DCHS2: variants seen among roughly 807,000 people sequenced by gnomAD.
DCHS2 encodes dachsous cadherin-related 2, also known as protocadherin-23.
DCHS2 carries 142 observed loss-of-function variants against 182.4 expected under a neutral mutation model. The ratio of observed to expected loss-of-function variants is 0.78; its 90% CI spans 0.68 to 0.89. The LOEUF is 0.89. Among genes scored for constraint, DCHS2 ranks in the 40% least tolerant of loss-of-function variants. The pLI, the probability that DCHS2 is intolerant of heterozygous loss-of-function variation, is 0.00. For synonymous variants in DCHS2, 1,740 were observed against 1,663.3 expected, an observed-to-expected ratio of 1.05 and a Z score of -1.12; for missense variants, 4,319 against 4,198.6, an observed-to-expected ratio of 1.03 and a Z score of -0.79.
rs7692434 is a variant in DCHS2, at chr4:154,361,227, C to T, written c.2476+4983G>A. On this transcript the variant is annotated intron_variant, in intron 3 of 19. Coordinates refer to ENST00000357232, the MANE Select transcript of DCHS2 (RefSeq NM_001358235.2). ...ACCAGCACAAAAGCTTGAAACCTGC[C>T]TGTTGCCTTAAAATGATCTGAATTC... Among the ~76,000 whole-genome samples the T allele has an allele frequency of 6.8e-3, 1,037 of 152,208 alleles. 12 individuals are homozygous for T. Among genetic ancestry groups the T allele is most frequent in the African/African-American group, 0.022 (920 of 41,546 alleles).
intron 16 of DCHS2, among the ~76,000 whole-genome samples, chr4:154,253,484 T>A (rs1170500839): frequency 6.6e-6 from 1 of 152,204 alleles, no homozygotes; most frequent in Non-Finnish European, 1.5e-5. Context: ...TCTTAGAACA[T>A]GGCAGACCTT....
chr4:154,359,677 C>T (rs1295857332), intron 3 of DCHS2, among the ~76,000 whole-genome samples: 2 of 152,022 alleles, frequency 1.3e-5, no homozygotes, highest in African/African-American at 4.8e-5. Flanking sequence ...ATAGATTACA[C>T]TGTGCTATTT....
At chr4:154,437,472 C>A (rs1429269015) in intron 1 of DCHS2, among the ~76,000 whole-genome samples, 1 of 152,136 alleles carries the variant, frequency 6.6e-6, no homozygotes, top group Non-Finnish European at 1.5e-5. Flanking sequence ...CTAGATTACT[C>A]CAAAATCAGG....
At chr4:154,473,765 T>C (rs1261200639) in intron 1 of DCHS2, among the ~76,000 whole-genome samples, 1 of 152,132 alleles carries the variant, frequency 6.6e-6, no homozygotes, top group African/African-American at 2.4e-5. Flanking sequence ...ACTGATCTTC[T>C]TGTAAGTTTC....
rs1358839919 is a variant in DCHS2, at chr4:154,455,350, A to G, written c.2052+33954T>C. ...AATCATCTGACTTCATGAATTGTCA[A>G]GGGAAATATCATAGGAAGGAAGAGA... On this transcript the variant is annotated intron_variant, in intron 1 of 19. Coordinates refer to ENST00000357232, the MANE Select transcript of DCHS2 (RefSeq NM_001358235.2). Among the ~76,000 whole-genome samples the G allele has an allele frequency of 3.3e-5, 5 of 152,246 alleles. No homozygotes were observed. The East Asian group carries it at 9.6e-4, about 29-fold the overall frequency.
At chr4:154,381,397 T>C (rs1411589962) in intron 1 of DCHS2, among the ~76,000 whole-genome samples, 1 of 152,078 alleles carries the variant, frequency 6.6e-6, no homozygotes, top group Non-Finnish European at 1.5e-5. Context: ...ATATACACTT[T>C]CGCCACTCCT....
rs955274674 is a variant in DCHS2, at chr4:154,371,380, T to C, written c.2245-4939A>G. Among the ~76,000 whole-genome samples, 4 of 152,096 alleles carry C rather than the reference T, an allele frequency of 2.6e-5. No homozygotes were observed. The South Asian group carries it at 6.2e-4, about 24-fold the overall frequency. The stretch of plus-strand genomic sequence containing the variant: ...GATTGGTGGACTATGGGCTTCCTTG[T>C]GAGAGTGCAGAAAGGAACGGGTATC... On this transcript the variant is annotated intron_variant, in intron 2 of 19. Coordinates refer to ENST00000357232, the MANE Select transcript of DCHS2 (RefSeq NM_001358235.2).
intron 3 of DCHS2, chr4:154,343,501 A>G: frequency 6.7e-7 from 1 of 1,486,810 alleles, no homozygotes; most frequent in Non-Finnish European, 9.0e-7. Flanking sequence ...TTTGCTACAT[A>G]CCTTGCTGCA....
rs144176290 is a variant in DCHS2 at position 154,362,708 on chromosome 4, C to T, written c.2476+3502G>A. Among the ~76,000 whole-genome samples the T allele has an allele frequency of 6.4e-3, 967 of 152,260 alleles. 13 individuals carry two copies. The highest frequency in any genetic ancestry group is 0.022 in the African/African-American group (912 of 41,550). On this transcript the variant is annotated intron_variant, in intron 3 of 19. Coordinates refer to ENST00000357232, the MANE Select transcript of DCHS2 (RefSeq NM_001358235.2). The stretch of plus-strand genomic sequence containing the variant: ...GCCCTTTCCTCCGTCTCTACCACCT[C>T]CGACACCCACGAGACCGAAAGACCA...
At chr4:154,421,369 CTGTGT>C (rs1156418585) in intron 1 of DCHS2, among the ~76,000 whole-genome samples, 2 of 98,296 alleles carry the variant, frequency 2.0e-5, no homozygotes, top group African/African-American at 5.4e-5. Flanking sequence ...CCCTTCTCAT[CTGTGT>C]TAATTTAATT....
intron 1 of DCHS2, among the ~76,000 whole-genome samples, chr4:154,415,391 A>T (rs1703138905): frequency 6.6e-6 from 1 of 152,204 alleles, no homozygotes; most frequent in Non-Finnish European, 1.5e-5. Flanking sequence ...CAGTAGCCTC[A>T]GGTTTCCCAG....
In DCHS2 at chr4:154,490,401, G is replaced by A. The variant is rs1282919774; in HGVS notation, c.955C>T (p.Arg319Cys). The part of the protein sequence containing the change: ...AQPGAEVCRV[R>C]ATDRDLGPNG... The stretch of plus-strand genomic sequence containing the variant: ...GGCCCCAGGTCGCGGTCGGTGGCGC[G>A]CACGCGACAGACCTCGGCGCCCGGC... Residue 319 changes from arginine (R) to cysteine (C), a missense_variant, in exon 1 of 20, where the codon CGC becomes TGC. Arg to Cys is a radical substitution (Grantham distance 180). Transcript: ENST00000357232. The A allele has an allele frequency of 6.5e-7, 1 of 1,532,914 alleles. No homozygotes were observed. Among genetic ancestry groups the A allele is most frequent in the East Asian group, 2.5e-5 (1 of 40,544 alleles). 95.0% of individuals were successfully genotyped at this position (1,532,914 alleles called of 1,614,324 possible).
Position 154,489,366 on chromosome 4 carries a change from A to G in DCHS2, c.1990T>C (p.Trp664Arg). ...DDVNDNEPIF[W>R]RQVYNATIAE... is the part of the protein sequence containing the mutation. ...ATGGTGGCATTGTACACCTGCCTCC[A>G]GAAGATGGGCTCATTGTCATTCACA... Residue 664 changes from tryptophan to arginine, a missense_variant, in exon 1 of 20, where the codon TGG (tryptophan) becomes CGG (arginine). Physicochemically the swap from Trp to Arg is moderately radical, Grantham distance 101. Transcript: ENST00000357232. 1 of 1,549,920 alleles carries G rather than the reference A, an allele frequency of 6.5e-7. No homozygotes were observed.
intron 2 of DCHS2, chr4:154,373,872 G>C: frequency 6.7e-7 from 1 of 1,482,398 alleles, no homozygotes; most frequent in Non-Finnish European, 9.3e-7. Flanking sequence ...CCATTTCCAG[G>C]CACCAGATGT....
chr4:154,418,407 G>C (rs551859657), intron 1 of DCHS2, among the ~76,000 whole-genome samples: 2 of 152,210 alleles, frequency 1.3e-5, no homozygotes, highest in Non-Finnish European at 2.9e-5. Flanking sequence ...GTCGCCAGCT[G>C]AGAGTGCCTT....
intron 1 of DCHS2, among the ~76,000 whole-genome samples, chr4:154,383,501 C>A (rs1225997313): frequency 1.3e-5 from 2 of 152,128 alleles, no homozygotes; most frequent in African/African-American, 4.8e-5. Flanking sequence ...AAGTAAAATA[C>A]AAATAAATAA....
intron 1 of DCHS2, among the ~76,000 whole-genome samples, chr4:154,397,695 C>T (rs924728915): frequency 3.3e-5 from 5 of 152,128 alleles, no homozygotes; most frequent in African/African-American, 1.2e-4. Flanking sequence ...CTCCCAAGGA[C>T]AGGCAAAGAA....
chr4:154,465,206 A>G (rs1379229312), intron 1 of DCHS2, among the ~76,000 whole-genome samples: 2 of 152,160 alleles, frequency 1.3e-5, no homozygotes, highest in African/African-American at 4.8e-5. Context: ...GCAATCATGT[A>G]AGCCTTGACT....
At position 154,489,687 on chromosome 4, in the gene DCHS2, C is replaced by T. The variant is rs1728723105; in HGVS notation, c.1669G>A (p.Val557Ile). ...SVSEAAAPGTVVMWVSASDAD... is the reference protein window; with the variant it reads ...SVSEAAAPGTIVMWVSASDAD... ...TCGGAGGCGCTGACCCACATGACTA[C>T]AGTGCCAGGGGCCGCGGCCTCGGAC... is the stretch of plus-strand genomic sequence containing the variant. Residue 557 changes from valine (V) to isoleucine (I), a missense_variant, in exon 1 of 20, where the codon GTA becomes ATA. Coordinates refer to ENST00000357232, the MANE Select transcript of DCHS2 (RefSeq NM_001358235.2). 2 of 1,551,620 alleles carry T rather than the reference C, an allele frequency of 1.3e-6. No homozygotes were observed. The highest frequency in any genetic ancestry group is 2.0e-5 in the Admixed American group (1 of 50,994).
Sources: allele counts gnomAD v4.1 joint callset (sites outside exome capture counted in the v4.1 genomes callset), GRCh38; gene constraint gnomAD v4.1.1; transcripts MANE v1.5; gene names NCBI Gene and HGNC (gene_info 2026-07-23, HGNC 2026-07-21).